LRRC37A2: variants seen among roughly 807,000 people sequenced by gnomAD.
LRRC37A2 encodes the protein leucine rich repeat containing 37 member A2, also known as leucine-rich repeat-containing protein 37A2.
LRRC37A2 carries 9 observed loss-of-function variants against 68.8 expected under a neutral mutation model. The observed-to-expected ratio is 0.13, with a 90% confidence interval of 0.08 to 0.23. The LOEUF (loss-of-function observed/expected upper bound fraction) is 0.23, where lower values mean the gene tolerates loss of function less well. Among genes scored for constraint, LRRC37A2 ranks in the 10% least tolerant of loss-of-function variants. LRRC37A2 has a pLI of 1.00. For missense variants in LRRC37A2, 168 were observed against 950.4 expected (o/e 0.18, Z 10.82); for synonymous variants, 63 against 367.6 (o/e 0.17, Z 9.48).
At chr17:46,741,813 C>A in the LRRC37A2 span, among the ~76,000 whole-genome samples, 1 of 152,152 alleles carries the variant, frequency 6.6e-6, no homozygotes, top group Admixed American at 6.5e-5. Context: ...GTTGCCCAGG[C>A]TGGAGTGCAG....
At chr17:46,936,698 C>T in the LRRC37A2 span, 2 of 984,780 alleles carry the variant, frequency 2.0e-6, no homozygotes, top group Non-Finnish European at 2.4e-6. Flanking sequence ...GATCCTTAGC[C>T]TCATACAGTG....
chr17:46,736,459 G>C, the LRRC37A2 span, among the ~76,000 whole-genome samples: 3 of 152,272 alleles, frequency 2.0e-5, no homozygotes, highest in South Asian at 6.2e-4. Flanking sequence ...GTGTCCTTGG[G>C]GATCTCACAA....
chr17:47,027,489 T>C, the LRRC37A2 span: 1 of 768,754 alleles, frequency 1.3e-6, no homozygotes, highest in Non-Finnish European at 2.3e-6. Flanking sequence ...TCTAAACTCT[T>C]GCTATTATTC....
the LRRC37A2 span, among the ~76,000 whole-genome samples, chr17:46,863,534 G>C: frequency 6.6e-6 from 1 of 152,180 alleles, no homozygotes; most frequent in Non-Finnish European, 1.5e-5. Flanking sequence ...GAAAGAGGAT[G>C]GTTAGAGGGG....
At chr17:46,726,260 G>C in the LRRC37A2 span, among the ~76,000 whole-genome samples, 1 of 152,162 alleles carries the variant, frequency 6.6e-6, no homozygotes. Context: ...TCCTGACACA[G>C]ATACCAGAGA....
At chr17:46,752,443 A>G in the LRRC37A2 span, among the ~76,000 whole-genome samples, 2 of 152,120 alleles carry the variant, frequency 1.3e-5, no homozygotes, top group South Asian at 4.1e-4. Flanking sequence ...GAAGGTGCTC[A>G]GTAAACTTTT....
At chr17:46,763,719 T>C in the LRRC37A2 span, 1 of 151,474 alleles carries the variant, frequency 6.6e-6, no homozygotes, top group Admixed American at 6.6e-5. Flanking sequence ...TGAGCAGGGC[T>C]GGGAAGGACT....
chr17:46,874,581 T>TA, the LRRC37A2 span, among the ~76,000 whole-genome samples: 1 of 152,254 alleles, frequency 6.6e-6, no homozygotes, highest in African/African-American at 2.4e-5. Context: ...ATTTATAAAT[T>TA]AAAAAAATTT....
chr17:46,852,768 C>G, the LRRC37A2 span, among the ~76,000 whole-genome samples: 1 of 152,094 alleles, frequency 6.6e-6, no homozygotes, highest in Non-Finnish European at 1.5e-5. Flanking sequence ...GTATATACAG[C>G]AAAGGCAAGA....
chr17:46,816,065 A>G, the LRRC37A2 span, among the ~76,000 whole-genome samples: 1 of 152,108 alleles, frequency 6.6e-6, no homozygotes, highest in African/African-American at 2.4e-5. Context: ...GCACAAAGAC[A>G]TCTGTGGGGC....
At chr17:46,923,371 C>A in the LRRC37A2 span, 2 of 1,472,842 alleles carry the variant, frequency 1.4e-6, no homozygotes, top group South Asian at 1.4e-5. Context: ...GTGCTTAATC[C>A]TTGGCGGGAC....
chr17:46,781,834 C>T, the LRRC37A2 span, among the ~76,000 whole-genome samples: 1 of 152,170 alleles, frequency 6.6e-6, no homozygotes, highest in Non-Finnish European at 1.5e-5. Flanking sequence ...TAGTCTAATT[C>T]CCTCTTCCTC....
At chr17:46,818,428 C>G in the LRRC37A2 span, 2 of 1,321,000 alleles carry the variant, frequency 1.5e-6, no homozygotes, top group South Asian at 1.3e-5. Flanking sequence ...GAGCCCCAGC[C>G]CTGCAGCGGC....
At chr17:46,713,539 T>C in the LRRC37A2 span, among the ~76,000 whole-genome samples, 2 of 152,376 alleles carry the variant, frequency 1.3e-5, no homozygotes, top group African/African-American at 4.8e-5. Flanking sequence ...AGTACTAATA[T>C]GCATTTGAAT....
chr17:46,833,370 G>C, the LRRC37A2 span: 4 of 518,602 alleles, frequency 7.7e-6, no homozygotes, highest in Admixed American at 7.8e-5. Context: ...AGTTTCTTTT[G>C]ATCCTCTGGC....
chr17:46,977,323 C>G, the LRRC37A2 span, among the ~76,000 whole-genome samples: 2 of 152,252 alleles, frequency 1.3e-5, no homozygotes, highest in Non-Finnish European at 2.9e-5. Flanking sequence ...TCTCCCCGAC[C>G]AAGTCTTCCA....
At chr17:46,821,517 G>T in the LRRC37A2 span, among the ~76,000 whole-genome samples, 1 of 152,168 alleles carries the variant, frequency 6.6e-6, no homozygotes, top group Admixed American at 6.5e-5. Flanking sequence ...CCCCAGGGTG[G>T]TTTCACTTGG....
chr17:46,927,844 TC>T, the LRRC37A2 span, among the ~76,000 whole-genome samples: 1 of 152,080 alleles, frequency 6.6e-6, no homozygotes, highest in Non-Finnish European at 1.5e-5. Flanking sequence ...ATTCTTTACC[TC>T]CCCCCTTTTT....
chr17:46,932,308 A>T, the LRRC37A2 span: 5 of 1,269,128 alleles, frequency 3.9e-6, no homozygotes, highest in Non-Finnish European at 3.4e-6. Flanking sequence ...AAGACTGATG[A>T]TGAGGAAACC....
Sources: gnomAD v4.1 joint callset for allele counts (sites outside exome capture counted in the v4.1 genomes callset) on GRCh38, gnomAD v4.1.1 for gene constraint, MANE v1.5 for transcripts, NCBI Gene and HGNC (gene_info 2026-07-23, HGNC 2026-07-21) for gene names.